The following ARMH1 variants were observed in gnomAD, a reference collection of about 807,000 sequenced individuals.
ARMH1 encodes armadillo-like helical domain containing protein 1.
ARMH1 carries 34 observed loss-of-function variants against 50.2 expected under a neutral mutation model. The observed-to-expected ratio is 0.68, with a 90% CI of 0.51 to 0.90. The LOEUF (loss-of-function observed/expected upper bound fraction) is 0.90, where lower values mean the gene tolerates loss of function less well. Ranked by LOEUF, ARMH1 falls within the 40% of genes least tolerant of loss-of-function variation. The pLI is 0.00. For missense variants in ARMH1, 538 were observed against 553.9 expected, an observed-to-expected ratio of 0.97 and a Z score of 0.29; for synonymous variants, 221 against 224.2, an observed-to-expected ratio of 0.99 and a Z score of 0.13.
At chr1:44,721,713 T>G (rs1051068905) in intron 6 of ARMH1, 1 of 151,996 alleles carries the variant, frequency 6.6e-6, no homozygotes, top group Non-Finnish European at 1.5e-5. Context: ...TGGGTGACAT[T>G]TGTGGAGCTA....
chr1:44,685,683 A>C (rs554690916), intron 1 of ARMH1, among the ~76,000 whole-genome samples: 2 of 149,560 alleles, frequency 1.3e-5, no homozygotes, highest in African/African-American at 5.0e-5. Flanking sequence ...GCTGGAGTGC[A>C]GTGGCACAAT....
rs755343884 is a variant in ARMH1, at chr1:44,724,347, G to C, written c.875G>C (p.Ser292Thr). ...SDPSVLQLTP[S>T]LPMFLQQAAA... Reference sequence around the variant, plus strand: ...CCCTCGGTTCTCCAGCTCACCCCCAGCCTGCCGATGTTTTTGCAGCAGGCC... The same window carrying C: ...CCCTCGGTTCTCCAGCTCACCCCCACCCTGCCGATGTTTTTGCAGCAGGCC... The change falls in exon 8 of 12, where the codon AGC becomes ACC. Residue 292 changes from serine to threonine, a missense_variant. Coordinates refer to ENST00000535358, the MANE Select transcript of ARMH1 (RefSeq NM_001145636.2). The surrounding 1 kb of genome is among the most constrained non-coding windows in gnomAD (Gnocchi z 6.4). The C allele has an allele frequency of 1.2e-5, 18 of 1,551,340 alleles. No homozygotes were observed. The African/African-American group carries it at 1.9e-4, about 17-fold the overall frequency.
intron 4 of ARMH1, among the ~76,000 whole-genome samples, 170 bp downstream of exon 4, chr1:44,698,399 C>G (rs1645900693): frequency 6.6e-6 from 1 of 152,208 alleles, no homozygotes. Flanking sequence ...TCTCCTGATT[C>G]ATCATTTGCT....
At chr1:44,685,312 CTT>C (rs749006485) in intron 1 of ARMH1, among the ~76,000 whole-genome samples, 2 of 143,808 alleles carry the variant, frequency 1.4e-5, no homozygotes, top group Non-Finnish European at 1.5e-5. Flanking sequence ...CTGAGGGAAG[CTT>C]TTTTTTTTTT....
chr1:44,723,977 C>A, intron 6 of ARMH1, 145 bp from the exon 7 acceptor site: 1 of 1,081,610 alleles, frequency 9.2e-7, no homozygotes, highest in Non-Finnish European at 1.3e-6. Context: ...TGAGGTTCGC[C>A]TTCCCAGCTC....
chr1:44,694,509 C>CTTTTTTTTTTTTTTT, intron 2 of ARMH1, among the ~76,000 whole-genome samples: 1 of 113,678 alleles, frequency 8.8e-6, no homozygotes, highest in Non-Finnish European at 1.7e-5. Flanking sequence ...TTCTTTTTTT[C>CTTTTTTTTTTTTTTT]TTTTTTTTTT....
intron 6 of ARMH1, among the ~76,000 whole-genome samples, chr1:44,710,574 A>G (rs1646563905): frequency 6.9e-6 from 1 of 144,308 alleles, no homozygotes; most frequent in African/African-American, 2.6e-5. Context: ...ATGCCACTGC[A>G]CTCCAGCCTA....
chr1:44,703,233 A>G (rs547381485), intron 5 of ARMH1, among the ~76,000 whole-genome samples: 17 of 152,172 alleles, frequency 1.1e-4, no homozygotes, highest in African/African-American at 2.4e-4. Context: ...CTCTCCCCCA[A>G]TCAGAGTAGC....
intron 6 of ARMH1, among the ~76,000 whole-genome samples, chr1:44,709,049 G>A (rs531171549): frequency 1.3e-4 from 20 of 152,232 alleles, no homozygotes; most frequent in African/African-American, 4.3e-4. Context: ...ATTTAGGGAT[G>A]TACACCCCTC....
intron 4 of ARMH1, among the ~76,000 whole-genome samples, chr1:44,700,434 T>G (rs372830484): frequency 5.9e-5 from 9 of 151,870 alleles, no homozygotes; most frequent in African/African-American, 1.5e-4. Flanking sequence ...TGGCTAACAC[T>G]GTGAAACCCT....
rs1225819509 is a variant in ARMH1, at chr1:44,724,130, T to C, written c.733T>C (p.Leu245=). 6 of 1,551,390 alleles carry C rather than the reference T, an allele frequency of 3.9e-6. No individual in the cohort carries two copies. Among genetic ancestry groups the C allele is most frequent in the Middle Eastern group, 1.7e-4 (1 of 6,010 alleles). ...HLEVQYEAIE[L]IKDLVGYDVR... ...CCTCTGCCCTTCCGCAGCCATCGAG[T>C]TGATCAAAGACCTGGTCGGTTACGA... Residue 245 remains leucine (L), a synonymous_variant, in exon 7 of 12, where the codon TTG becomes CTG. Coordinates refer to ENST00000535358, the MANE Select transcript of ARMH1 (RefSeq NM_001145636.2). This position sits in a 1 kb window ranked among gnomAD's most constrained non-coding sequence, Gnocchi z 6.4.
chr1:44,720,675 G>A (rs1314416505), intron 6 of ARMH1, among the ~76,000 whole-genome samples: 2 of 152,178 alleles, frequency 1.3e-5, no homozygotes, highest in Non-Finnish European at 2.9e-5. Context: ...GAGCAGGCCA[G>A]GGGCAGCTTC....
At position 44,689,686 on chromosome 1, in the gene ARMH1, G is replaced by C. The variant is rs1452630478; in HGVS notation, c.-12G>C. On this transcript the variant is annotated 5_prime_UTR_variant, in exon 2 of 12. Transcript: ENST00000535358. ...TCCCTCCCTCTGTAGCCAACTTCAG[G>C]ACTGATTGATCATGACTTCTATAAA... is the stretch of plus-strand genomic sequence containing the variant. The C allele has an allele frequency of 1.3e-6, 2 of 1,551,550 alleles. No individual in the cohort carries two copies. Among genetic ancestry groups the C allele is most frequent in the East Asian group, 4.9e-5 (2 of 40,938 alleles).
chr1:44,707,462 C>T (rs557127978), intron 6 of ARMH1, among the ~76,000 whole-genome samples: 3 of 152,312 alleles, frequency 2.0e-5, no homozygotes, highest in South Asian at 4.1e-4. Context: ...CAGGGTTTCA[C>T]CCTGTTGCCC....
chr1:44,724,725 GC>G lies in ARMH1; in HGVS notation c.1051-32del. 2 of 1,497,188 alleles carry G rather than the reference GC, an allele frequency of 1.3e-6. No homozygotes were observed. Among genetic ancestry groups the G allele is most frequent in the Non-Finnish European group, 8.9e-7 (1 of 1,129,560 alleles). 92.7% of individuals were successfully genotyped at this position (1,497,188 alleles called of 1,614,324 possible). A position where few individuals can be genotyped will look rare whatever the true frequency, so the allele number is the denominator to read the frequency against. On this transcript the variant is annotated intron_variant, in intron 9 of 11. Transcript: ENST00000535358. This position sits in a 1 kb window ranked among gnomAD's most constrained non-coding sequence, Gnocchi z 6.4. ...GGGCGGCGGCACCCGCAGCCCCGTC[GC>G]CCCCGCAGTCACGCCGCCTCGCCCG...
intron 1 of ARMH1, among the ~76,000 whole-genome samples, chr1:44,685,409 G>A (rs1051484389): frequency 1.3e-5 from 2 of 150,182 alleles, no homozygotes; most frequent in African/African-American, 2.5e-5. Flanking sequence ...GGTCTCATTC[G>A]ATCTTCCCAC....
At chr1:44,714,328 G>T (rs1557556649) in intron 6 of ARMH1, among the ~76,000 whole-genome samples, 1 of 150,856 alleles carries the variant, frequency 6.6e-6, no homozygotes, top group Non-Finnish European at 1.5e-5. Context: ...GCTCATGCCT[G>T]TAATCTCAGC....
At chr1:44,723,196 G>A (rs1475526239) in intron 6 of ARMH1, among the ~76,000 whole-genome samples, 1 of 151,994 alleles carries the variant, frequency 6.6e-6, no homozygotes, top group Non-Finnish European at 1.5e-5. Flanking sequence ...AATCCTTGCC[G>A]ATTTTCTCTT....
At chr1:44,723,846 C>A in intron 6 of ARMH1, 1 of 383,264 alleles carries the variant, frequency 2.6e-6, no homozygotes, top group African/African-American at 2.1e-5. Flanking sequence ...TCCTCCAAGG[C>A]GAAGGCCCCC....
Sources: gnomAD v4.1 joint callset for allele counts (sites outside exome capture counted in the v4.1 genomes callset) on GRCh38, gnomAD v4.1.1 for gene constraint, Gnocchi (gnomAD v3.1) non-coding constraint, MANE v1.5 for transcripts, NCBI Gene and HGNC (gene_info 2026-07-23, HGNC 2026-07-21) for gene names.